The following RGS6 variants were observed in gnomAD, a reference collection of about 807,000 sequenced individuals.
RGS6 encodes regulator of G-protein signaling 6.
Under a neutral mutation model 78.5 loss-of-function variants are expected in RGS6, and 30 were observed. The ratio of observed to expected loss-of-function variants is 0.38; its 90% confidence interval spans 0.29 to 0.52. RGS6 has a LOEUF of 0.52. Ranked by LOEUF, RGS6 falls within the 20% of genes least tolerant of loss-of-function variation. The probability of loss-of-function intolerance (pLI) is 0.85; values close to 1 mark genes in which losing one functional copy is unlikely to be tolerated. For synonymous variants in RGS6, 206 were observed against 206.0 expected, an observed-to-expected ratio of 1.00 and a Z score of 0.00; for missense variants, 495 against 609.7, an observed-to-expected ratio of 0.81 and a Z score of 1.98.
At chr14:72,465,275 A>G (rs1366127744) in intron 6 of RGS6, among the ~76,000 whole-genome samples, 1 of 152,162 alleles carries the variant, frequency 6.6e-6, no homozygotes, top group Non-Finnish European at 1.5e-5. Context: ...GCTTTTAGGC[A>G]CTGGAGTAAT....
At chr14:72,138,772 A>G (rs1005826959) in intron 2 of RGS6, among the ~76,000 whole-genome samples, 2 of 152,116 alleles carry the variant, frequency 1.3e-5, no homozygotes, top group African/African-American at 4.8e-5. Context: ...TGAGGAATCT[A>G]GGATGTGTGC....
chr14:72,447,880 T>A (rs1202382816), intron 3 of RGS6, among the ~76,000 whole-genome samples: 3 of 152,112 alleles, frequency 2.0e-5, no homozygotes, highest in African/African-American at 7.2e-5. Flanking sequence ...ATTTTTGTGT[T>A]TTTAGTAGAG....
At chr14:71,974,325 AC>A (rs2093990971) in intron 2 of RGS6, among the ~76,000 whole-genome samples, 1 of 152,228 alleles carries the variant, frequency 6.6e-6, no homozygotes, top group Admixed American at 6.5e-5. Context: ...CAGAAAATGG[AC>A]ACATTTTTTT....
intron 2 of RGS6, among the ~76,000 whole-genome samples, chr14:71,981,958 T>G (rs1168419965): frequency 2.0e-5 from 3 of 151,776 alleles, no homozygotes; most frequent in African/African-American, 7.3e-5. Flanking sequence ...CGTAGGACCC[T>G]CCGAGCCAGG....
At chr14:72,616,492 A>T in the RGS6 span, among the ~76,000 whole-genome samples, 1 of 152,192 alleles carries the variant, frequency 6.6e-6, no homozygotes, top group Non-Finnish European at 1.5e-5. Context: ...GACGTCTAAC[A>T]TTGGCTAATG....
intron 2 of RGS6, among the ~76,000 whole-genome samples, chr14:72,231,180 C>G (rs1229581957): frequency 6.6e-6 from 1 of 151,996 alleles, no homozygotes; most frequent in East Asian, 1.9e-4. Flanking sequence ...AGTTAGTTCC[C>G]CAAGCGTAAA....
chr14:72,079,161 C>A (rs1179184418), intron 2 of RGS6, among the ~76,000 whole-genome samples: 2 of 148,344 alleles, frequency 1.3e-5, no homozygotes, highest in East Asian at 3.9e-4. Context: ...ATTTAGAGGG[C>A]CTTTGTGCCT....
chr14:72,002,641 T>C (rs988099517), intron 2 of RGS6, among the ~76,000 whole-genome samples: 5 of 152,072 alleles, frequency 3.3e-5, no homozygotes, highest in African/African-American at 7.2e-5. Context: ...TCCTTGGGGA[T>C]GGCTAATGAC....
the RGS6 span, among the ~76,000 whole-genome samples, chr14:71,875,572 T>C: frequency 2.6e-5 from 4 of 152,224 alleles, no homozygotes; most frequent in African/African-American, 9.6e-5. Context: ...TCTATCAATT[T>C]TGCTGATCAT....
chr14:72,265,942 G>GTTC lies in RGS6; in HGVS notation c.85-86153_85-86152insTTC, dbSNP rs1567616715. Among the ~76,000 whole-genome samples, 613 of 142,586 alleles carry GTTC rather than the reference G, an allele frequency of 4.3e-3. 6 individuals are homozygous for GTTC. The highest frequency in any genetic ancestry group is 0.014 in the African/African-American group (551 of 39,410). 93.5% of individuals were successfully genotyped at this position (142,586 alleles called of 152,430 possible). ...CTATCAGTCCTATCGCTTTTTTGGG[G>GTTC]GGGGGGGCGGGAGGCAGGTGGGAGG... On this transcript the variant is annotated intron_variant, in intron 2 of 17. Coordinates refer to ENST00000553525, the MANE Select transcript of RGS6 (RefSeq NM_001204424.2).
chr14:71,963,768 A>G lies in RGS6; in HGVS notation c.-20-1004A>G, dbSNP rs115210217. Among the ~76,000 whole-genome samples, 476 of 152,318 alleles carry G rather than the reference A, an allele frequency of 3.1e-3. 4 individuals are homozygous for G. Among genetic ancestry groups the G allele is most frequent in the African/African-American group, 0.011 (456 of 41,560 alleles). ...GTTTTATTTATCCATTCATGCACTG[A>G]TAGACATTTGGGTTGTTTCCCCCTT... On this transcript the variant is annotated intron_variant, in intron 1 of 17. Coordinates refer to ENST00000553525, the MANE Select transcript of RGS6 (RefSeq NM_001204424.2).
chr14:72,589,714 G>C, the RGS6 span, among the ~76,000 whole-genome samples: 51 of 152,232 alleles, frequency 3.4e-4, no homozygotes, highest in African/African-American at 1.2e-3. Context: ...CATTATTAGA[G>C]CAATCACAAA....
At chr14:71,957,816 A>G (rs1319407459) in intron 1 of RGS6, among the ~76,000 whole-genome samples, 4 of 152,032 alleles carry the variant, frequency 2.6e-5, no homozygotes, top group African/African-American at 7.3e-5. Flanking sequence ...CCCTGGCTGG[A>G]GTGCAGTGGT....
intron 7 of RGS6, among the ~76,000 whole-genome samples, chr14:72,466,358 A>G (rs2095911921): frequency 6.6e-6 from 1 of 152,240 alleles, no homozygotes; most frequent in African/African-American, 2.4e-5. Flanking sequence ...CACTTACCAT[A>G]TAACCAAGCA....
chr14:72,126,849 A>G (rs907272662), intron 2 of RGS6, among the ~76,000 whole-genome samples: 1 of 152,196 alleles, frequency 6.6e-6, no homozygotes, highest in Non-Finnish European at 1.5e-5. Context: ...TAAGTAATGC[A>G]CAAAATGGGT....
intron 2 of RGS6, among the ~76,000 whole-genome samples, chr14:72,037,532 C>T (rs1290415337): frequency 6.6e-6 from 1 of 152,146 alleles, no homozygotes; most frequent in Non-Finnish European, 1.5e-5. Flanking sequence ...TCAGTGAGAC[C>T]AAGAACCTAC....
chr14:72,335,106 T>C (rs1335198134), intron 2 of RGS6, among the ~76,000 whole-genome samples: 1 of 147,568 alleles, frequency 6.8e-6, no homozygotes, highest in Non-Finnish European at 1.5e-5. Flanking sequence ...CCTGCCACCA[T>C]GTGACTTTGC....
At chr14:72,555,200 G>A (rs534668584) in intron 17 of RGS6, among the ~76,000 whole-genome samples, 3 of 152,320 alleles carry the variant, frequency 2.0e-5, no homozygotes, top group South Asian at 2.1e-4. Context: ...CCTCCCTGGG[G>A]CATTTGCCAT....
chr14:72,540,224 T>A, intron 17 of RGS6, 130 bp downstream of exon 17: 1 of 1,534,112 alleles, frequency 6.5e-7, no homozygotes, highest in Non-Finnish European at 8.7e-7. Context: ...GCTTTCTCCC[T>A]CGACTCAGCC....
Sources: gnomAD v4.1 joint callset for allele counts (sites outside exome capture counted in the v4.1 genomes callset) on GRCh38, gnomAD v4.1.1 for gene constraint, MANE v1.5 for transcripts, NCBI Gene and HGNC (gene_info 2026-07-23, HGNC 2026-07-21) for gene names.